The following ANO5 variants were observed in gnomAD, a reference collection of about 807,000 sequenced individuals.
The protein encoded by ANO5 is anoctamin-5.
ANO5 carries 109 observed loss-of-function variants against 121.0 expected under a neutral mutation model. That is an observed-to-expected ratio of 0.90 (90% CI 0.77 to 1.06). The LOEUF is 1.06. ANO5 is among the 50% of genes least tolerant of loss of function. The pLI, the probability that ANO5 is intolerant of heterozygous loss-of-function variation, is 0.00. For synonymous variants in ANO5, 406 were observed against 359.9 expected (o/e 1.13, Z -1.45); for missense variants, 1,064 against 1,078.5 (o/e 0.99, Z 0.19).
At chr11:22,269,492 AAAGAAAAGGAAGGAAAGAAAAAAAG>A (rs1854522871) in intron 17 of ANO5, among the ~76,000 whole-genome samples, 1 of 14,920 alleles carries the variant, frequency 6.7e-5, no homozygotes, top group Non-Finnish European at 1.5e-4. Context: ...AGGAAAGAAA[AAAGAAAAGGAAGGAAAGAAAAAAAG>A]AAAAGGAAGG....
chr11:22,196,502 T>TTG (rs386373316), intron 1 of ANO5, among the ~76,000 whole-genome samples: 1 of 9,842 alleles, frequency 1.0e-4, no homozygotes. Context: ...GTTATGAGAG[T>TTG]TTTTTTTTTT....
chr11:22,225,170 T>A (rs1164517043), intron 5 of ANO5, among the ~76,000 whole-genome samples: 2 of 151,344 alleles, frequency 1.3e-5, no homozygotes, highest in African/African-American at 4.9e-5. Flanking sequence ...TACATTGCTT[T>A]AATAAAAGCT....
intron 5 of ANO5, among the ~76,000 whole-genome samples, chr11:22,225,686 T>C (rs1276993775): frequency 6.6e-6 from 1 of 152,162 alleles, no homozygotes; most frequent in African/African-American, 2.4e-5. Context: ...CATATGTCTC[T>C]CTGTTTATAA....
At chr11:22,277,175 T>C (rs1854885565) in intron 21 of ANO5, among the ~76,000 whole-genome samples, 1 of 151,222 alleles carries the variant, frequency 6.6e-6, no homozygotes, top group Non-Finnish European at 1.5e-5. Context: ...CTTTGGCAGA[T>C]CTCACACACA....
At chr11:22,267,037 AAAGAATTGTT>A (rs1854390586) in intron 17 of ANO5, among the ~76,000 whole-genome samples, 1 of 152,174 alleles carries the variant, frequency 6.6e-6, no homozygotes, top group Non-Finnish European at 1.5e-5. Flanking sequence ...TAGCATTTTT[AAAGAATTGTT>A]TAAGAAATAT....
At chr11:22,228,471 T>G (rs1469275578) in intron 7 of ANO5, among the ~76,000 whole-genome samples, 1 of 152,046 alleles carries the variant, frequency 6.6e-6, no homozygotes, top group Admixed American at 6.6e-5. Flanking sequence ...CTCCATCATC[T>G]TAAAATTTTT....
intron 5 of ANO5, 40 bp downstream of exon 5, chr11:22,221,250 G>A (rs749164992): frequency 2.0e-6 from 3 of 1,471,416 alleles, no homozygotes; most frequent in South Asian, 2.3e-5. Flanking sequence ...ATAAAAAGAA[G>A]CACATTTTAT....
chr11:22,203,946 A>G (rs966681792), intron 2 of ANO5, 96 bp downstream of exon 2: 1 of 775,830 alleles, frequency 1.3e-6, no homozygotes, highest in East Asian at 2.8e-5. Flanking sequence ...CTTATAATAC[A>G]TTCTATTATG....
chr11:22,230,279 G>A (rs1852996677), intron 7 of ANO5, among the ~76,000 whole-genome samples: 1 of 151,836 alleles, frequency 6.6e-6, no homozygotes, highest in African/African-American at 2.4e-5. Flanking sequence ...AAACAAATAA[G>A]ATACATCTAA....
intron 7 of ANO5, among the ~76,000 whole-genome samples, chr11:22,232,781 C>A (rs973745090): frequency 5.9e-5 from 9 of 151,986 alleles, no homozygotes; most frequent in African/African-American, 1.9e-4. Context: ...GCCACCTTTT[C>A]TTATAACCTA....
intron 1 of ANO5, among the ~76,000 whole-genome samples, chr11:22,203,551 T>A (rs1191252238): frequency 6.6e-6 from 1 of 152,194 alleles, no homozygotes; most frequent in African/African-American, 2.4e-5. Flanking sequence ...TTAAGTTTAT[T>A]TCTCAGTAAT....
chr11:22,249,325 A>C (rs1853723603), intron 9 of ANO5, among the ~76,000 whole-genome samples: 1 of 152,086 alleles, frequency 6.6e-6, no homozygotes, highest in Non-Finnish European at 1.5e-5. Flanking sequence ...TGTTAAGCAT[A>C]TATAGAAATT....
chr11:22,250,185 C>T, intron 9 of ANO5, 52 bp from the exon 10 acceptor site: 1 of 1,502,452 alleles, frequency 6.7e-7, no homozygotes, highest in African/African-American at 1.4e-5. Context: ...ATCAAGGCTC[C>T]AGACTATAAC....
chr11:22,239,920 A>G (rs1293052826), intron 9 of ANO5, among the ~76,000 whole-genome samples: 1 of 152,114 alleles, frequency 6.6e-6, no homozygotes, highest in Admixed American at 6.6e-5. Flanking sequence ...AGCTAGGCTG[A>G]ATTCCAATCC....
intron 1 of ANO5, among the ~76,000 whole-genome samples, chr11:22,200,508 T>C (rs1171768808): frequency 6.6e-6 from 1 of 152,180 alleles, no homozygotes; most frequent in Non-Finnish European, 1.5e-5. Context: ...CAAGATTTTA[T>C]AAACTTCATA....
chr11:22,236,381 A>C (rs988870463), intron 8 of ANO5, 105 bp downstream of exon 8: 8 of 937,814 alleles, frequency 8.5e-6, no homozygotes, highest in Non-Finnish European at 1.2e-5. Flanking sequence ...GTTTTCTCTC[A>C]TGGTGGGAAA....
rs1853762359 is a variant in ANO5 at position 22,250,298 on chromosome 11, C to G, written c.940C>G (p.Leu314Val). ...FVFLGFYTEMLFFAAVVGLAC... is the reference protein window; with the variant it reads ...FVFLGFYTEMVFFAAVVGLAC... ...CTTTCTTGGATTTTACACAGAAATG[C>G]TATTCTTTGCAGCTGTAGTTGGCTT... The change falls in exon 10 of 22, where the codon CTA becomes GTA. Residue 314 changes from leucine to valine, a missense_variant. Transcript: ENST00000324559. 6.2e-7 allele frequency: 1 copy of G among 1,611,444 alleles called. No homozygotes were observed.
At chr11:22,204,997 C>G (rs1288192640) in intron 2 of ANO5, among the ~76,000 whole-genome samples, 1 of 152,038 alleles carries the variant, frequency 6.6e-6, no homozygotes, top group African/African-American at 2.4e-5. Context: ...ACATATATAT[C>G]ATAAAATACT....
At chr11:22,193,008 C>A (rs902203649), upstream of ANO5, 17 of 984,990 alleles carry the variant, frequency 1.7e-5, no homozygotes, top group Admixed American at 6.8e-4. Context: ...GCCGGTCTTG[C>A]GGTCTGGAGG....
Sources: gnomAD v4.1 joint callset for allele counts (sites outside exome capture counted in the v4.1 genomes callset) on GRCh38, gnomAD v4.1.1 for gene constraint, MANE v1.5 for transcripts, NCBI Gene and HGNC (gene_info 2026-07-23, HGNC 2026-07-21) for gene names.